Variants in TFDP2 observed in about 807,000 individuals in gnomAD.
TFDP2 encodes the protein transcription factor Dp-2 (E2F dimerization partner 2).
In TFDP2, 17 loss-of-function variants were observed where a neutral mutation model predicts 59.3. The observed-to-expected ratio is 0.29, with a 90% CI of 0.20 to 0.43. TFDP2 has a LOEUF of 0.43. Among genes scored for constraint, TFDP2 ranks in the 20% least tolerant of loss-of-function variants. The pLI, the probability that TFDP2 is intolerant of heterozygous loss-of-function variation, is 1.00. For missense variants in TFDP2, 391 were observed against 528.8 expected, an observed-to-expected ratio of 0.74 and a Z score of 2.56; for synonymous variants, 180 against 194.7, an observed-to-expected ratio of 0.92 and a Z score of 0.63.
chr3:141,959,259 A>G (rs1937067523), intron 11 of TFDP2, among the ~76,000 whole-genome samples: 1 of 152,056 alleles, frequency 6.6e-6, no homozygotes, highest in Non-Finnish European at 1.5e-5. Flanking sequence ...CCCGGCCAGG[A>G]TGTACCTACT....
At chr3:142,055,941 CTTTTTTTTTTTTT>C (rs529693273) in intron 3 of TFDP2, among the ~76,000 whole-genome samples, 11 of 70,210 alleles carry the variant, frequency 1.6e-4, no homozygotes, top group Admixed American at 8.6e-4. Flanking sequence ...TATTAAGTAC[CTTTTTTTTTTTTT>C]TTTTTTTTTT....
At chr3:142,115,725 GT>G (rs2061834279) in intron 1 of TFDP2, among the ~76,000 whole-genome samples, 1 of 152,172 alleles carries the variant, frequency 6.6e-6, no homozygotes, top group Non-Finnish European at 1.5e-5. Flanking sequence ...CTATGATGTT[GT>G]TTTTTTCATT....
chr3:142,105,681 A>G (rs1340600631), intron 1 of TFDP2, among the ~76,000 whole-genome samples: 1 of 152,240 alleles, frequency 6.6e-6, no homozygotes, highest in Non-Finnish European at 1.5e-5. Context: ...AAAAATAGCC[A>G]TATTAATGAG....
chr3:142,120,946 T>C (rs2062024988), intron 1 of TFDP2, among the ~76,000 whole-genome samples: 1 of 152,098 alleles, frequency 6.6e-6, no homozygotes, highest in Non-Finnish European at 1.5e-5. Context: ...TTTATTTGGA[T>C]TGTAGAACGG....
intron 3 of TFDP2, among the ~76,000 whole-genome samples, chr3:142,030,019 A>T (rs1249700909): frequency 6.6e-6 from 1 of 152,202 alleles, no homozygotes; most frequent in African/African-American, 2.4e-5. Flanking sequence ...GCTCCAGGAG[A>T]CGCTGTAAAG....
At chr3:141,981,784 T>A (rs2108084362) in intron 6 of TFDP2, among the ~76,000 whole-genome samples, 1 of 152,248 alleles carries the variant, frequency 6.6e-6, no homozygotes, top group Admixed American at 6.5e-5. Flanking sequence ...AAAGACCAAC[T>A]GAGAGGGTAT....
intron 6 of TFDP2, among the ~76,000 whole-genome samples, chr3:141,989,916 C>T (rs1553767805): frequency 7.0e-6 from 1 of 142,310 alleles, no homozygotes; most frequent in Non-Finnish European, 1.6e-5. Context: ...ATTATTGAGA[C>T]AGAGTCTCCC....
intron 6 of TFDP2, among the ~76,000 whole-genome samples, chr3:141,992,899 T>C (rs77685435): frequency 0.079 from 12,013 of 152,302 alleles, 625 homozygotes; most frequent in African/African-American, 0.15. Flanking sequence ...ATTTATTTTT[T>C]ACTTAACAGA....
intron 3 of TFDP2, among the ~76,000 whole-genome samples, chr3:142,055,660 T>C (rs1325680693): frequency 1.3e-5 from 2 of 152,212 alleles, no homozygotes; most frequent in East Asian, 1.9e-4. Flanking sequence ...CTTCCAATTA[T>C]TGAAGCTAGT....
intron 3 of TFDP2, among the ~76,000 whole-genome samples, chr3:142,089,563 TA>T (rs2060932285): frequency 1.3e-5 from 2 of 151,998 alleles, no homozygotes; most frequent in African/African-American, 4.8e-5. Context: ...CTTATCTTAA[TA>T]AATAAAAAGA....
intron 3 of TFDP2, among the ~76,000 whole-genome samples, chr3:142,084,836 G>A (rs185342816): frequency 1.9e-3 from 282 of 152,218 alleles, no homozygotes; most frequent in East Asian, 8.5e-3. Flanking sequence ...ACATAGTGGC[G>A]TGGCAGGGAT....
intron 4 of TFDP2, among the ~76,000 whole-genome samples, chr3:142,003,653 G>A (rs975825322): frequency 2.6e-5 from 4 of 152,186 alleles, no homozygotes; most frequent in Non-Finnish European, 5.9e-5. Context: ...ACTGAAAAAA[G>A]GACCTCAGAA....
chr3:142,017,441 G>A (rs115765690), intron 3 of TFDP2, among the ~76,000 whole-genome samples: 1 of 151,746 alleles, frequency 6.6e-6, no homozygotes, highest in African/African-American at 2.4e-5. Flanking sequence ...CTGCCATCCC[G>A]AATCACCACC....
At chr3:142,134,953 A>T (rs928043390) in intron 1 of TFDP2, among the ~76,000 whole-genome samples, 2 of 152,092 alleles carry the variant, frequency 1.3e-5, no homozygotes, top group African/African-American at 2.4e-5. Context: ...CTCCATATTC[A>T]ATTTACCAGA....
chr3:142,038,517 A>C (rs1946804706), intron 3 of TFDP2, among the ~76,000 whole-genome samples: 2 of 152,168 alleles, frequency 1.3e-5, no homozygotes, highest in African/African-American at 4.8e-5. Context: ...AAAGGTAATA[A>C]TTTTAAGAAA....
chr3:141,974,061 C>A lies in TFDP2; in HGVS notation c.650G>T (p.Cys217Phe), dbSNP rs199842925. 2.5e-5 allele frequency: 41 copies of A among 1,610,146 alleles called. 2 individuals are homozygous for A. The Middle Eastern group carries it at 3.6e-3, about 143-fold the overall frequency. Residue 217 changes from cysteine to phenylalanine, a missense_variant, in exon 8 of 13, where the codon TGT becomes TTT. By Grantham distance (205) the Cys-to-Phe change is radical (BLOSUM62 -2). Transcript: ENST00000489671. ...IGLPTNSAQE[C>F]QNLEIEKQRR... ...TTTCTCACTTACCTCCAGATTCTGA[C>A]ATTCCTGAGCAGAATTGGTAGGCAG...
At chr3:141,990,144 C>G (rs372764478) in intron 6 of TFDP2, among the ~76,000 whole-genome samples, 91 of 152,262 alleles carry the variant, frequency 6.0e-4, no homozygotes, top group African/African-American at 2.2e-3. Flanking sequence ...TATGGCCACC[C>G]TGGCCTCCCA....
In TFDP2 at chr3:141,983,696, C is replaced by T. The variant is rs114871809; in HGVS notation, c.357-5014G>A. On this transcript the variant is annotated intron_variant, in intron 6 of 12. Coordinates refer to ENST00000489671, the MANE Select transcript of TFDP2 (RefSeq NM_001178139.2). Reference sequence around the variant, plus strand: ...AAGATATACAAATAGCCAAAAAGTACATGAAAAGATGCTCAACGTCACTCA... The same window carrying T: ...AAGATATACAAATAGCCAAAAAGTATATGAAAAGATGCTCAACGTCACTCA... Among the ~76,000 whole-genome samples, 740 of 149,572 alleles carry T rather than the reference C, an allele frequency of 4.9e-3. 5 individuals are homozygous for T. Among genetic ancestry groups the T allele is most frequent in the African/African-American group, 0.017 (706 of 40,740 alleles).
chr3:141,979,687 C>T (rs1034796909), intron 6 of TFDP2, among the ~76,000 whole-genome samples: 1 of 152,146 alleles, frequency 6.6e-6, no homozygotes, highest in African/African-American at 2.4e-5. Context: ...CTCCCAGGTT[C>T]AAGCGATTCT....
Sources: allele counts gnomAD v4.1 joint callset (sites outside exome capture counted in the v4.1 genomes callset), GRCh38; gene constraint gnomAD v4.1.1; transcripts MANE v1.5; gene names NCBI Gene and HGNC (gene_info 2026-07-23, HGNC 2026-07-21).